Variants in ADGRB1 observed in about 807,000 individuals in gnomAD.
The protein encoded by ADGRB1 is adhesion G protein-coupled receptor B1.
ADGRB1 carries 36 observed loss-of-function variants against 175.7 expected under a neutral mutation model. The ratio of observed to expected loss-of-function variants is 0.20; its 90% CI spans 0.16 to 0.27. The LOEUF is 0.27. Ranked by LOEUF, ADGRB1 falls within the 10% of genes least tolerant of loss-of-function variation. ADGRB1 has a pLI of 1.00. For synonymous variants in ADGRB1, 1,054 were observed against 979.4 expected (o/e 1.08, Z -1.42); for missense variants, 1,731 against 2,255.3 (o/e 0.77, Z 4.71).
At position 142,497,384 on chromosome 8, in the gene ADGRB1, G is replaced by T. The variant is rs531858142; in HGVS notation, c.2675+6569G>T. Among the ~76,000 whole-genome samples, 563 of 152,302 alleles carry T rather than the reference G, an allele frequency of 3.7e-3. 1 individual carries two copies. Among genetic ancestry groups the T allele is most frequent in the Non-Finnish European group, 5.0e-3 (338 of 68,026 alleles). On this transcript the variant is annotated intron_variant, in intron 17 of 30. Coordinates refer to ENST00000517894, the MANE Select transcript of ADGRB1 (RefSeq NM_001702.3). ...AGGGCAGTGAGGGGGCAGGCCAAGG[G>T]GGGGGAAGCGGAAGGAAGACTTGGC...
At position 142,511,943 on chromosome 8, in the gene ADGRB1, C is replaced by G. The variant is rs1272218042; in HGVS notation, c.2817+870C>G. On this transcript the variant is annotated intron_variant, in intron 18 of 30. Transcript: ENST00000517894. This position sits in a 1 kb window ranked among gnomAD's most constrained non-coding sequence, Gnocchi z 4.5. ...ATGCACTTGGAGGGGACCTGTCCTT[C>G]CTGGGTGTTGGAGGTGGCATTGCTG... Among the ~76,000 whole-genome samples the G allele has an allele frequency of 6.6e-6, 1 of 152,190 alleles. No individual in the cohort carries two copies. The highest frequency in any genetic ancestry group is 1.5e-5 in the Non-Finnish European group (1 of 68,026).
At chr8:142,526,782 C>A (rs1224960569) in intron 24 of ADGRB1, among the ~76,000 whole-genome samples, 155 bp downstream of exon 24, 1 of 152,184 alleles carries the variant, frequency 6.6e-6, no homozygotes, top group Non-Finnish European at 1.5e-5. Flanking sequence ...AGTACAGAGG[C>A]CCCTTAGGCT....
rs1271450871 is a variant in ADGRB1 at position 142,475,516 on chromosome 8, A to T, written c.827A>T (p.Asp276Val). Residue 276 changes from aspartate (D) to valine (V), a missense_variant, in exon 3 of 31, where the codon GAC (aspartate) becomes GTC (valine). By Grantham distance (152) the Asp-to-Val change is radical. This residue lies in a region of ADGRB1 where 178 missense variants were observed against 227.8 expected (regional missense o/e 0.78). Coordinates refer to ENST00000517894, the MANE Select transcript of ADGRB1 (RefSeq NM_001702.3). ...LWSLWGECTRDCGGGLQTRTR... is the reference protein window; with the variant it reads ...LWSLWGECTRVCGGGLQTRTR... ...TCCCTGTGGGGCGAATGCACGCGGG[A>T]CTGCGGGGGAGGCCTCCAGACGCGG... 2 of 1,294,456 alleles carry T rather than the reference A, an allele frequency of 1.5e-6. No homozygotes were observed. Among genetic ancestry groups the T allele is most frequent in the African/African-American group, 3.0e-5 (2 of 66,282 alleles). The allele number at this position is 1,294,456 out of a possible 1,614,324, so 80.2% of individuals were successfully genotyped here.
intron 21 of ADGRB1, 88 bp downstream of exon 21, chr8:142,522,203 C>A: frequency 6.6e-7 from 1 of 1,514,594 alleles, no homozygotes; most frequent in South Asian, 1.3e-5. Context: ...CTCTCCCCAT[C>A]CCCTGTGGAC....
intron 2 of ADGRB1, among the ~76,000 whole-genome samples, chr8:142,470,003 G>A (rs1027877616): frequency 1.3e-5 from 2 of 152,242 alleles, no homozygotes; most frequent in Admixed American, 6.5e-5. Context: ...ACACAGCCAA[G>A]TGCAGGAGCA....
rs1392713279 is a variant in ADGRB1, at chr8:142,464,975, C to T, written c.777C>T (p.Gly259=). The T allele has an allele frequency of 4.0e-6, 6 of 1,504,498 alleles. No homozygotes were observed. The highest frequency in any genetic ancestry group is 1.4e-5 in the African/African-American group (1 of 69,724). 93.2% of individuals were successfully genotyped at this position (1,504,498 alleles called of 1,614,324 possible). A position where few individuals can be genotyped will look rare whatever the true frequency, so the allele number is the denominator to read the frequency against. ...TGACCCAGGACCGGGGCGGGCACGG[C>T]GCCACAGGTGAGTGACTGGCGGGGA... The part of the protein sequence containing the change: ...TSLTQDRGGH[G]ATGGWKLWSL... The change falls in exon 2 of 31, where the codon GGC becomes GGT. Residue 259 remains glycine (G), a synonymous_variant. Coordinates refer to ENST00000517894, the MANE Select transcript of ADGRB1 (RefSeq NM_001702.3).
At chr8:142,535,206 G>A (rs1210036130) in intron 25 of ADGRB1, among the ~76,000 whole-genome samples, 4 of 152,162 alleles carry the variant, frequency 2.6e-5, no homozygotes, top group South Asian at 2.1e-4. Flanking sequence ...GACCGGTGAC[G>A]GGAGCTGCAA....
rs867033470 is a variant in ADGRB1 at position 142,488,429 on chromosome 8, C to T, written c.2374C>T (p.Arg792Trp). The T allele has an allele frequency of 5.6e-6, 9 of 1,612,992 alleles. No homozygotes were observed. The highest frequency in any genetic ancestry group is 1.3e-5 in the African/African-American group (1 of 74,932). ...CATCAGCTTCCCCATGAAGGGCTGG[C>T]GGGCCACGGGTGACTGGGCCAAGGT... The part of the protein sequence containing the change: ...TDISFPMKGW[R>W]ATGDWAKVPE... The change falls in exon 14 of 31, where the codon CGG (arginine) becomes TGG (tryptophan). Residue 792 changes from arginine to tryptophan, a missense_variant. Arg to Trp is a moderately radical substitution (Grantham distance 101, BLOSUM62 -3). This residue lies in a region of ADGRB1 where 388 missense variants were observed against 630.9 expected (regional missense o/e 0.61). Transcript: ENST00000517894.
chr8:142,491,352 C>A (rs1308564796), intron 17 of ADGRB1, among the ~76,000 whole-genome samples: 1 of 152,222 alleles, frequency 6.6e-6, no homozygotes, highest in Non-Finnish European at 1.5e-5. Flanking sequence ...ACAGCTGGAG[C>A]AAGTTCCACG....
At chr8:142,468,227 C>T (rs6583634) in intron 2 of ADGRB1, among the ~76,000 whole-genome samples, 33,439 of 150,204 alleles carry the variant, frequency 0.22, 3,903 homozygotes, top group African/African-American at 0.3. Context: ...TGTGTGTGTG[C>T]GTGTGCAGTA....
At position 142,510,783 on chromosome 8, in the gene ADGRB1, G is replaced by C; in HGVS notation, c.2676-149G>C. On this transcript the variant is annotated intron_variant, in intron 17 of 30. Coordinates refer to ENST00000517894, the MANE Select transcript of ADGRB1 (RefSeq NM_001702.3). The surrounding 1 kb of genome is among the most constrained non-coding windows in gnomAD (Gnocchi z 6.3). ...CCGCGGGGCCTGGCGGCGGCGGGCG[G>C]ACGGGCGCGCGGCTGCGGGCGCAGG... The C allele has an allele frequency of 5.3e-6, 1 of 189,546 alleles. No homozygotes were observed. Among genetic ancestry groups the C allele is most frequent in the Non-Finnish European group, 9.4e-6 (1 of 106,000 alleles). The allele number at this position is 189,546 out of a possible 1,614,324, so 11.7% of individuals were successfully genotyped here. A position where few individuals can be genotyped will look rare whatever the true frequency, so the allele number is the denominator to read the frequency against.
In ADGRB1 at chr8:142,464,190, C is replaced by T; in HGVS notation, c.-9C>T. On this transcript the variant is annotated 5_prime_UTR_variant, in exon 2 of 31. Transcript: ENST00000517894. ...AGCCCGCGGAACCCCGGCGGCCCCG[C>T]GAGCTAGGATGAGGGGCCAGGCCGC... 3.2e-6 allele frequency: 4 copies of T among 1,260,826 alleles called. No individual in the cohort carries two copies. The highest frequency in any genetic ancestry group is 3.0e-6 in the Non-Finnish European group (3 of 1,008,016). The allele number at this position is 1,260,826 out of a possible 1,614,324, so 78.1% of individuals were successfully genotyped here. A position where few individuals can be genotyped will look rare whatever the true frequency, so the allele number is the denominator to read the frequency against.
chr8:142,530,004 CCTG>C (rs1392234657), intron 24 of ADGRB1, among the ~76,000 whole-genome samples: 1 of 145,692 alleles, frequency 6.9e-6, no homozygotes, highest in East Asian at 2.1e-4. Context: ...GTGAGCGCAA[CCTG>C]CTGTGCGTAT....
intron 6 of ADGRB1, 108 bp downstream of exon 6, chr8:142,477,657 C>G: frequency 7.3e-7 from 1 of 1,375,148 alleles, no homozygotes; most frequent in South Asian, 1.5e-5. Flanking sequence ...CCAGACCCAC[C>G]TCAGGGTGCT....
rs149614643 is a variant in ADGRB1 at position 142,462,820 on chromosome 8, G to C, written c.-219-1160G>C. ...ATGGACGGCCTGGCCAGAGGCCTTG[G>C]GGGTGGTGAGGAGACTGAGGTCTGT... On this transcript the variant is annotated intron_variant, in intron 1 of 30. Coordinates refer to ENST00000517894, the MANE Select transcript of ADGRB1 (RefSeq NM_001702.3). Among the ~76,000 whole-genome samples, 5 of 152,360 alleles carry C rather than the reference G, an allele frequency of 3.3e-5. No individual in the cohort carries two copies. In the East Asian group the frequency reaches 7.7e-4, roughly 24 times the overall value.
chr8:142,497,591 G>A (rs1477039568), intron 17 of ADGRB1, among the ~76,000 whole-genome samples: 1 of 152,184 alleles, frequency 6.6e-6, no homozygotes, highest in Non-Finnish European at 1.5e-5. Context: ...GAGGAGGGAG[G>A]AGGAGGATGA....
rs762121826 is a variant in ADGRB1 at position 142,489,453 on chromosome 8, C to T, written c.2631+15C>T. Reference sequence around the variant, plus strand: ...ACATGTATAATGTGAGTGCCGTCCACGTGCACACTCTGATGCCAGCAGAAA... The same window carrying T: ...ACATGTATAATGTGAGTGCCGTCCATGTGCACACTCTGATGCCAGCAGAAA... On this transcript the variant is annotated intron_variant, in intron 16 of 30. Coordinates refer to ENST00000517894, the MANE Select transcript of ADGRB1 (RefSeq NM_001702.3). 3.2e-5 allele frequency: 51 copies of T among 1,608,840 alleles called. No individual in the cohort carries two copies. Among genetic ancestry groups the T allele is most frequent in the Middle Eastern group, 1.6e-4 (1 of 6,076 alleles).
chr8:142,520,631 A>G (rs201906974), intron 19 of ADGRB1, among the ~76,000 whole-genome samples, 192 bp from the exon 20 acceptor site: 1 of 58,240 alleles, frequency 1.7e-5, no homozygotes, highest in Non-Finnish European at 3.9e-5. Flanking sequence ...GATGGTGGTG[A>G]TGATTGTGTG....
At chr8:142,490,048 G>A (rs974439561) in intron 16 of ADGRB1, among the ~76,000 whole-genome samples, 7 of 152,286 alleles carry the variant, frequency 4.6e-5, no homozygotes, top group African/African-American at 4.8e-5. Context: ...CAGGGAACAC[G>A]TTGCCTGGGT....
Sources: allele counts gnomAD v4.1 joint callset (sites outside exome capture counted in the v4.1 genomes callset), GRCh38; gene constraint gnomAD v4.1.1; regional missense constraint gnomAD v4.1.1; non-coding constraint Gnocchi (gnomAD v3.1); transcripts MANE v1.5; gene names NCBI Gene and HGNC (gene_info 2026-07-23, HGNC 2026-07-21).